Variants in DMD observed in about 807,000 individuals in gnomAD.
DMD encodes mutant dystrophin.
Under a neutral mutation model 330.1 loss-of-function variants are expected in DMD, and 63 were observed. The ratio of observed to expected loss-of-function variants is 0.19; its 90% CI spans 0.16 to 0.24. The LOEUF (loss-of-function observed/expected upper bound fraction) is 0.24. Among genes scored for constraint, DMD ranks in the 10% least tolerant of loss-of-function variants. DMD has a pLI of 1.00. For synonymous variants in DMD, 1,223 were observed against 959.8 expected (o/e 1.27, Z -5.07); for missense variants, 3,344 against 2,684.1 (o/e 1.25, Z -5.43).
At chrX:31,831,723 CG>C (rs2093039136) in intron 49 of DMD, among the ~76,000 whole-genome samples, 4 of 110,774 alleles carry the variant, frequency 3.6e-5, no homozygotes, top group Admixed American at 9.6e-5. Context: ...CTCAGCCTCC[CG>C]AGTAGCTGGG....
Position 31,261,028 on chromosome X carries a change from A to G in DMD, c.9225-12T>C. ...TTTGAGTCTCGTGGCTAAAACACAA[A>G]ACATAAAGAAAGACTTTAGCATTTA... On this transcript the variant is annotated splice_polypyrimidine_tract_variant and intron_variant, in intron 62 of 78. Coordinates refer to ENST00000357033, the MANE Select transcript of DMD (RefSeq NM_004006.3). 1 of 1,202,679 alleles carries G rather than the reference A, an allele frequency of 8.3e-7. No homozygotes were observed. Among genetic ancestry groups the G allele is most frequent in the Non-Finnish European group, 1.1e-6 (1 of 887,718 alleles).
chrX:31,276,595 TATA>T (rs2052141664), intron 62 of DMD, among the ~76,000 whole-genome samples: 1 of 111,983 alleles, frequency 8.9e-6, no homozygotes, highest in Admixed American at 9.5e-5. Context: ...TACCCCTTGA[TATA>T]GTCCTCAAAG....
chrX:31,182,886 T>C lies in DMD; in HGVS notation c.9826A>G (p.Ile3276Val), dbSNP rs2148335494. The C allele has an allele frequency of 1.7e-6, 2 of 1,208,352 alleles. No homozygotes were observed. The highest frequency in any genetic ancestry group is 1.8e-5 in the South Asian group (1 of 56,636). Residue 3276 changes from isoleucine to valine, a missense_variant, in exon 68 of 79, where the codon ATC (isoleucine) becomes GTC (valine). Ile to Val is a conservative substitution (Grantham distance 29, BLOSUM62 3). Transcript: ENST00000357033. ...CAGTCTAGGAAGAGGGCCGCTTCGA[T>C]CTCTGGCTTATTATTAGCCTGCAAA... ...CFQFANNKPEIEAALFLDWMR... is the reference protein window; with the variant it reads ...CFQFANNKPEVEAALFLDWMR...
chrX:31,918,358 G>A (rs1731057148), intron 47 of DMD, among the ~76,000 whole-genome samples: 1 of 111,367 alleles, frequency 9.0e-6, no homozygotes, highest in Admixed American at 9.6e-5. Flanking sequence ...TTGAACCTGG[G>A]TCTAGACTGA....
intron 44 of DMD, among the ~76,000 whole-genome samples, chrX:32,091,103 A>G (rs957377646): frequency 4.5e-5 from 5 of 111,952 alleles, no homozygotes; most frequent in Non-Finnish European, 9.4e-5. Context: ...GCAGCAGATG[A>G]TTTTTTTCAA....
intron 60 of DMD, among the ~76,000 whole-genome samples, chrX:31,391,126 A>T (rs758215996): frequency 9.0e-6 from 1 of 111,420 alleles, no homozygotes; most frequent in Non-Finnish European, 1.9e-5. Flanking sequence ...TGTCTTCATA[A>T]CATTTCTCAC....
chrX:32,407,565 C>T (rs373395564), intron 30 of DMD, among the ~76,000 whole-genome samples: 21 of 110,813 alleles, frequency 1.9e-4, no homozygotes, highest in African/African-American at 6.6e-4. Flanking sequence ...GTCACTGTGG[C>T]GATTCCTCAG....
At chrX:31,586,473 A>G (rs1314368669) in intron 55 of DMD, among the ~76,000 whole-genome samples, 2 of 112,900 alleles carry the variant, frequency 1.8e-5, no homozygotes, top group Non-Finnish European at 3.7e-5. Flanking sequence ...ACTAATGTGA[A>G]AGACTTCTTG....
At chrX:32,483,164 T>TATATATATATATATATACAC (rs1481445275) in intron 21 of DMD, among the ~76,000 whole-genome samples, 37 of 61,603 alleles carry the variant, frequency 6.0e-4, no homozygotes, top group Non-Finnish European at 8.3e-4. Flanking sequence ...TATATATATA[T>TATATATATATATATATACAC]ACACCATATT....
At chrX:32,379,219 T>TC (rs1173728375) in intron 34 of DMD, among the ~76,000 whole-genome samples, 1 of 109,350 alleles carries the variant, frequency 9.1e-6, no homozygotes, top group Non-Finnish European at 1.9e-5. Context: ...TTTTTTTTTT[T>TC]CCTACTAGAT....
At chrX:32,781,028 G>A (rs1394870540) in intron 7 of DMD, among the ~76,000 whole-genome samples, 2 of 108,188 alleles carry the variant, frequency 1.8e-5, no homozygotes, top group Non-Finnish European at 3.8e-5. Flanking sequence ...TGAGGCAGGA[G>A]AATAGCGTGA....
At chrX:31,783,614 G>A (rs2091136513) in intron 50 of DMD, among the ~76,000 whole-genome samples, 1 of 111,183 alleles carries the variant, frequency 9.0e-6, no homozygotes. Context: ...AGAATGAGGT[G>A]CAAGTTGCAA....
intron 55 of DMD, among the ~76,000 whole-genome samples, chrX:31,528,608 C>A (rs1603314059): frequency 8.9e-6 from 1 of 112,340 alleles, no homozygotes; most frequent in East Asian, 2.8e-4. Flanking sequence ...CTCAATAAAT[C>A]GAGCTTAATT....
chrX:32,823,475 G>A (rs1471674423), intron 4 of DMD, 88 bp from the exon 5 acceptor site: 2 of 650,254 alleles, frequency 3.1e-6, no homozygotes, highest in African/African-American at 4.3e-5. Flanking sequence ...GAAGGTAATT[G>A]CATTTAGCTA....
chrX:32,831,146 G>T (rs922450525), intron 4 of DMD, among the ~76,000 whole-genome samples: 2 of 110,431 alleles, frequency 1.8e-5, no homozygotes, highest in African/African-American at 6.5e-5. Context: ...CTAAATGACT[G>T]GGCTATGAGG....
chrX:31,236,603 T>C (rs933262891), intron 63 of DMD, among the ~76,000 whole-genome samples: 20 of 112,305 alleles, frequency 1.8e-4, no homozygotes, highest in Middle Eastern at 4.6e-3. Flanking sequence ...GTCTGCAAAG[T>C]GTTTAGCCAT....
intron 76 of DMD, among the ~76,000 whole-genome samples, chrX:31,141,449 C>T (rs1348889224): frequency 8.9e-6 from 1 of 111,982 alleles, no homozygotes; most frequent in East Asian, 2.8e-4. Context: ...TGGAAGATAG[C>T]TTAGAAAGGG....
rs137977295 is a variant in DMD at position 31,342,921 on chromosome X, C to T, written c.9163+5635G>A. Among the ~76,000 whole-genome samples, 912 of 111,330 alleles carry T rather than the reference C, an allele frequency of 8.2e-3. 8 individuals carry two copies. Among genetic ancestry groups the T allele is most frequent in the African/African-American group, 0.028 (863 of 30,607 alleles). The stretch of plus-strand genomic sequence containing the variant: ...CCTCCTAAGCAGCTGGGATTACAGG[C>T]GAGTGCCACCACGCCCAGCTAATTT... On this transcript the variant is annotated intron_variant, in intron 61 of 78. Coordinates refer to ENST00000357033, the MANE Select transcript of DMD (RefSeq NM_004006.3).
intron 44 of DMD, among the ~76,000 whole-genome samples, chrX:32,146,394 T>C (rs60653871): frequency 9.1e-6 from 1 of 109,301 alleles, no homozygotes; most frequent in African/African-American, 3.3e-5. Context: ...AGTAACTGAG[T>C]GGATGGATGG....
Sources: gnomAD v4.1 joint callset for allele counts (sites outside exome capture counted in the v4.1 genomes callset) on GRCh38, gnomAD v4.1.1 for gene constraint, MANE v1.5 for transcripts, NCBI Gene and HGNC (gene_info 2026-07-23, HGNC 2026-07-21) for gene names.